Variants in COX7A2L observed in about 807,000 individuals in gnomAD.
The protein encoded by COX7A2L is cytochrome c oxidase subunit 7A2 like.
Under a neutral mutation model 14.2 loss-of-function variants are expected in COX7A2L, and 18 were observed. The observed-to-expected ratio is 1.27, with a 90% CI of 0.88 to 1.88. The LOEUF (loss-of-function observed/expected upper bound fraction) is 1.88, where lower values mean the gene tolerates loss of function less well. Among genes scored for constraint, COX7A2L ranks in the 40% most tolerant of loss-of-function variants. COX7A2L has a pLI of 0.00. For synonymous variants in COX7A2L, 65 were observed against 57.4 expected, an observed-to-expected ratio of 1.13 and a Z score of -0.60; for missense variants, 179 against 138.8, an observed-to-expected ratio of 1.29 and a Z score of -1.46.
downstream of COX7A2L, among the ~76,000 whole-genome samples, chr2:42,347,307 C>T (rs1300604155): frequency 1.5e-5 from 2 of 135,048 alleles, no homozygotes; most frequent in East Asian, 2.2e-4. Flanking sequence ...AAACCAGCAC[C>T]TTTTTTTTTT....
upstream of COX7A2L, among the ~76,000 whole-genome samples, chr2:42,363,781 A>G (rs999344975): frequency 7.9e-5 from 12 of 152,188 alleles, no homozygotes; most frequent in African/African-American, 2.4e-4. Flanking sequence ...TGTTCCCCAC[A>G]TTCTATTCTG....
intron 2 of COX7A2L, among the ~76,000 whole-genome samples, chr2:42,337,766 C>T (rs1304283892): frequency 6.6e-6 from 1 of 152,210 alleles, no homozygotes; most frequent in South Asian, 2.1e-4. Context: ...GACATAGAAA[C>T]TTTACCTTCT....
Position 42,349,434 on chromosome 2 carries a change from TAGG to T in COX7A2L, c.*1782_*1784del. 1 of 152,282 alleles carries T rather than the reference TAGG, an allele frequency of 6.6e-6. No homozygotes were observed. Among genetic ancestry groups the T allele is most frequent in the Non-Finnish European group, 1.5e-5 (1 of 68,024 alleles). The allele number at this position is 152,282 out of a possible 1,614,324, so 9.4% of individuals were successfully genotyped here. A position where few individuals can be genotyped will look rare whatever the true frequency, so the allele number is the denominator to read the frequency against. On this transcript the variant is annotated 3_prime_UTR_variant, in exon 3 of 3. Coordinates refer to ENST00000234301, the MANE Select transcript of COX7A2L (RefSeq NM_004718.4). ...AAGTAGATGAGTGCTTGCTTTGGGC[TAGG>T]AGGTGGGAGTTGGGATGGTGGGAGG...
At position 42,351,324 on chromosome 2, in the gene COX7A2L, GCCT is replaced by G; in HGVS notation, c.237_239del (p.Gly80del). 6.2e-7 allele frequency: 1 copy of G among 1,614,110 alleles called. No homozygotes were observed. Among genetic ancestry groups the G allele is most frequent in the Non-Finnish European group, 8.5e-7 (1 of 1,180,018 alleles). ...TCCGGTAAAGCATTTGGTCAGGCAG[GCCT>G]CGTTTCAGGTAGACGGGCACACCAT... is the stretch of plus-strand genomic sequence containing the variant. On this transcript the variant is annotated inframe_deletion, in exon 3 of 3. Coordinates refer to ENST00000234301, the MANE Select transcript of COX7A2L (RefSeq NM_004718.4).
At chr2:42,355,788 C>G (rs1168595551) in intron 1 of COX7A2L, among the ~76,000 whole-genome samples, 1 of 122,892 alleles carries the variant, frequency 8.1e-6, no homozygotes, top group African/African-American at 3.2e-5. Context: ...TGCAGTGGTG[C>G]AATCTCGGCT....
intron 2 of COX7A2L, among the ~76,000 whole-genome samples, chr2:42,337,105 G>A (rs1402966497): frequency 6.6e-6 from 1 of 152,178 alleles, no homozygotes; most frequent in Non-Finnish European, 1.5e-5. Flanking sequence ...AATGTACAAA[G>A]TAAATTATTC....
chr2:42,355,041 C>G (rs1670772970), intron 1 of COX7A2L, among the ~76,000 whole-genome samples: 1 of 152,182 alleles, frequency 6.6e-6, no homozygotes, highest in Non-Finnish European at 1.5e-5. Flanking sequence ...AAACTCAGGC[C>G]TTTCTCAAGT....
chr2:42,365,944 G>A (rs1456689912), upstream of COX7A2L: 1 of 152,158 alleles, frequency 6.6e-6, no homozygotes, highest in Non-Finnish European at 1.5e-5. Flanking sequence ...CACATTGCTG[G>A]GAGAAATGAG....
chr2:42,347,241 T>C (rs759943746), downstream of COX7A2L, among the ~76,000 whole-genome samples: 4 of 151,586 alleles, frequency 2.6e-5, no homozygotes, highest in Non-Finnish European at 5.9e-5. Flanking sequence ...GGTAATATTT[T>C]ATGTAGACAA....
At chr2:42,358,929 G>A (rs948284438) in intron 1 of COX7A2L, among the ~76,000 whole-genome samples, 3 of 152,088 alleles carry the variant, frequency 2.0e-5, no homozygotes, top group Non-Finnish European at 4.4e-5. Context: ...CGGGGAGTTC[G>A]AGATCAGGCT....
Position 42,361,168 on chromosome 2 carries a change from C to T in COX7A2L, c.-7G>A, listed in dbSNP as rs1359177443. On this transcript the variant is annotated 5_prime_UTR_variant, in exon 1 of 3. It introduces an in-frame stop codon into an upstream open reading frame of the 5' UTR. Coordinates refer to ENST00000234301, the MANE Select transcript of COX7A2L (RefSeq NM_004718.4). ...CACTAAACTTGTAGTACATGACGCCCAGAGTCCGGCTTCCCGCATCCGCTG... is the reference window on the plus strand; with the variant it reads ...CACTAAACTTGTAGTACATGACGCCTAGAGTCCGGCTTCCCGCATCCGCTG... 1 of 1,607,714 alleles carries T rather than the reference C, an allele frequency of 6.2e-7. No homozygotes were observed.
downstream of COX7A2L, among the ~76,000 whole-genome samples, chr2:42,345,884 G>A (rs1402701230): frequency 6.6e-6 from 1 of 152,174 alleles, no homozygotes; most frequent in Non-Finnish European, 1.5e-5. Flanking sequence ...TGTATTAACA[G>A]CATCTCATCC....
In COX7A2L at chr2:42,351,021, A is replaced by C; in HGVS notation, c.*198T>G. ...AGAGCAAAGCACCATTTCTTTAAAC[A>C]ATGGCTTTAACTGTCGAATGAGCTC... is the stretch of plus-strand genomic sequence containing the variant. On this transcript the variant is annotated 3_prime_UTR_variant, in exon 3 of 3. Transcript: ENST00000234301. The C allele has an allele frequency of 1.9e-6, 1 of 537,872 alleles. No individual in the cohort carries two copies. The allele number at this position is 537,872 out of a possible 1,614,324, so 33.3% of individuals were successfully genotyped here. A position where few individuals can be genotyped will look rare whatever the true frequency, so the allele number is the denominator to read the frequency against.
At position 42,339,793 on chromosome 2, in the gene COX7A2L, G is replaced by A. The variant is rs1039737264; in HGVS notation, c.193-5924C>T. Among the ~76,000 whole-genome samples, 4 of 152,078 alleles carry A rather than the reference G, an allele frequency of 2.6e-5. No individual in the cohort carries two copies. Among genetic ancestry groups the A allele is most frequent in the South Asian group, 2.1e-4 (1 of 4,824 alleles). ...TCAGGGACTCCCACAGGGCAGCCTCGACTCTGCCCTCCTGTCGCCACTGAA... is the reference window on the plus strand; with the variant it reads ...TCAGGGACTCCCACAGGGCAGCCTCAACTCTGCCCTCCTGTCGCCACTGAA... On this transcript the variant is annotated intron_variant, in intron 2 of 2. Transcript: ENST00000468711. The surrounding 1 kb of genome is among the most constrained non-coding windows in gnomAD (Gnocchi z 5.4).
intron 2 of COX7A2L, among the ~76,000 whole-genome samples, chr2:42,337,619 G>A (rs1670310171): frequency 1.3e-5 from 2 of 152,258 alleles, no homozygotes; most frequent in Admixed American, 1.3e-4. Context: ...CTGGATTACT[G>A]TGTCCTTCCA....
chr2:42,341,953 G>T (rs925173659), intron 2 of COX7A2L, among the ~76,000 whole-genome samples: 1 of 152,180 alleles, frequency 6.6e-6, no homozygotes, highest in African/African-American at 2.4e-5. Flanking sequence ...TCATTCAGCT[G>T]CAACTCAATT....
intron 1 of COX7A2L, among the ~76,000 whole-genome samples, chr2:42,354,947 T>C (rs758509997): frequency 1.2e-4 from 19 of 152,258 alleles, no homozygotes; most frequent in Non-Finnish European, 1.8e-4. Context: ...TATGAAGATA[T>C]TACTATTCCC....
Position 42,351,082 on chromosome 2 carries a change from C to T in COX7A2L, c.*137G>A. 2 of 976,492 alleles carry T rather than the reference C, an allele frequency of 2.0e-6. No homozygotes were observed. The highest frequency in any genetic ancestry group is 2.9e-6 in the Non-Finnish European group (2 of 683,426). 60.5% of individuals were successfully genotyped at this position (976,492 alleles called of 1,614,324 possible). On this transcript the variant is annotated 3_prime_UTR_variant, in exon 3 of 3. Transcript: ENST00000234301. ...TATGCATTTCATAAACAAACCAAAA[C>T]ATCATCTTCATATCTTCCTATTTTT...
chr2:42,365,288 C>T (rs981076942), upstream of COX7A2L, among the ~76,000 whole-genome samples: 5 of 152,190 alleles, frequency 3.3e-5, no homozygotes, highest in African/African-American at 1.2e-4. Context: ...TGAAATATTT[C>T]ACAGTGAGCA....
Sources: allele counts gnomAD v4.1 joint callset (sites outside exome capture counted in the v4.1 genomes callset), GRCh38; gene constraint gnomAD v4.1.1; non-coding constraint Gnocchi (gnomAD v3.1); transcripts MANE v1.5; gene names NCBI Gene and HGNC (gene_info 2026-07-23, HGNC 2026-07-21).